The following KCNIP1 variants were observed in gnomAD, a reference collection of about 807,000 sequenced individuals.
The protein encoded by KCNIP1 is A-type potassium channel modulatory protein KCNIP1.
Under a neutral mutation model 33.0 loss-of-function variants are expected in KCNIP1, and 18 were observed. The ratio of observed to expected loss-of-function variants is 0.55; its 90% CI spans 0.38 to 0.81. The LOEUF is 0.81. Among genes scored for constraint, KCNIP1 ranks in the 30% least tolerant of loss-of-function variants. KCNIP1 has a pLI of 0.00. For synonymous variants in KCNIP1, 93 were observed against 98.3 expected (o/e 0.95, Z 0.32); for missense variants, 238 against 271.6 (o/e 0.88, Z 0.87).
At chr5:170,437,487 A>C (rs1178721739) in intron 1 of KCNIP1, among the ~76,000 whole-genome samples, 1 of 152,136 alleles carries the variant, frequency 6.6e-6, no homozygotes, top group African/African-American at 2.4e-5. Flanking sequence ...GCTCACCCCC[A>C]TTTGAGAGAC....
intron 1 of KCNIP1, among the ~76,000 whole-genome samples, chr5:170,640,711 T>C (rs1308801372): frequency 6.6e-6 from 1 of 152,198 alleles, no homozygotes; most frequent in African/African-American, 2.4e-5. Context: ...GGCATGTTCA[T>C]GTATATTCAG....
intron 1 of KCNIP1, among the ~76,000 whole-genome samples, chr5:170,360,341 C>A (rs1377258212): frequency 1.3e-5 from 2 of 152,348 alleles, no homozygotes; most frequent in Non-Finnish European, 2.9e-5. Context: ...CCAACCCTGC[C>A]ATGCACCAAC....
chr5:170,531,986 A>G (rs1755805781), intron 1 of KCNIP1, among the ~76,000 whole-genome samples: 1 of 152,178 alleles, frequency 6.6e-6, no homozygotes, highest in Non-Finnish European at 1.5e-5. Context: ...TCTCACTGCC[A>G]CACCTTTGCG....
intron 1 of KCNIP1, among the ~76,000 whole-genome samples, chr5:170,536,568 T>C (rs1755991286): frequency 6.6e-6 from 1 of 152,010 alleles, no homozygotes; most frequent in Non-Finnish European, 1.5e-5. Context: ...AAGGCAAACA[T>C]ATTCCTGTTA....
At chr5:170,427,355 G>A (rs1384021124) in intron 1 of KCNIP1, among the ~76,000 whole-genome samples, 2 of 152,162 alleles carry the variant, frequency 1.3e-5, no homozygotes, top group Non-Finnish European at 2.9e-5. Context: ...GCAGCTTATG[G>A]CCACTCTTTT....
At chr5:170,537,332 A>G (rs1029097239) in intron 1 of KCNIP1, among the ~76,000 whole-genome samples, 1 of 152,196 alleles carries the variant, frequency 6.6e-6, no homozygotes, top group African/African-American at 2.4e-5. Context: ...ATAGCATTCA[A>G]CTCAGGGTAT....
At chr5:170,532,092 C>G (rs1256316868) in intron 1 of KCNIP1, among the ~76,000 whole-genome samples, 1 of 152,196 alleles carries the variant, frequency 6.6e-6, no homozygotes, top group Non-Finnish European at 1.5e-5. Flanking sequence ...AAGCCTTCCT[C>G]AAATTTCCTT....
intron 1 of KCNIP1, among the ~76,000 whole-genome samples, chr5:170,404,716 C>T (rs1754991669): frequency 6.6e-6 from 1 of 152,176 alleles, no homozygotes; most frequent in Non-Finnish European, 1.5e-5. Context: ...TTGGTCCAAG[C>T]AGATCATGAG....
intron 1 of KCNIP1, among the ~76,000 whole-genome samples, chr5:170,402,996 G>C (rs369008427): frequency 6.6e-6 from 1 of 152,150 alleles, no homozygotes; most frequent in Admixed American, 6.5e-5. Context: ...GTTCACGTAC[G>C]CCTGTTCCAT....
At chr5:170,665,417 T>C (rs1761666576) in intron 1 of KCNIP1, among the ~76,000 whole-genome samples, 1 of 152,182 alleles carries the variant, frequency 6.6e-6, no homozygotes, top group South Asian at 2.1e-4. Flanking sequence ...CCCAAGCCTT[T>C]GTAATACGCC....
At chr5:170,638,588 G>A (rs1760393488) in intron 1 of KCNIP1, among the ~76,000 whole-genome samples, 1 of 152,198 alleles carries the variant, frequency 6.6e-6, no homozygotes, top group African/African-American at 2.4e-5. Flanking sequence ...CAGGGGGATA[G>A]GTGTGTCACT....
intron 1 of KCNIP1, among the ~76,000 whole-genome samples, chr5:170,481,792 AC>A (rs1486199418): frequency 6.6e-6 from 1 of 151,984 alleles, no homozygotes; most frequent in Non-Finnish European, 1.5e-5. Flanking sequence ...ATTGAGAATG[AC>A]CCCACCCATG....
intron 1 of KCNIP1, chr5:170,680,541 A>T (rs897838461): frequency 1.3e-5 from 2 of 152,234 alleles, no homozygotes; most frequent in Admixed American, 6.5e-5. Flanking sequence ...GTTTCCAGGG[A>T]CATTTCACTG....
intron 1 of KCNIP1, among the ~76,000 whole-genome samples, chr5:170,420,905 A>C (rs1286550472): frequency 6.6e-6 from 1 of 152,188 alleles, no homozygotes; most frequent in Non-Finnish European, 1.5e-5. Context: ...TCACACTCTA[A>C]GGACTCAATA....
At chr5:170,667,761 A>T (rs894882909) in intron 1 of KCNIP1, among the ~76,000 whole-genome samples, 1 of 152,270 alleles carries the variant, frequency 6.6e-6, no homozygotes, top group Non-Finnish European at 1.5e-5. Context: ...GGGGATGCCA[A>T]ATAAGTTCAC....
intron 5 of KCNIP1, among the ~76,000 whole-genome samples, chr5:170,731,872 C>CAAAAAAAA (rs1157286321): frequency 3.0e-4 from 5 of 16,730 alleles, no homozygotes; most frequent in Non-Finnish European, 5.9e-4. Flanking sequence ...GACTCCGTCT[C>CAAAAAAAA]AAAAAAAAAA....
chr5:170,643,484 G>A (rs901366117), intron 1 of KCNIP1, among the ~76,000 whole-genome samples: 1 of 152,242 alleles, frequency 6.6e-6, no homozygotes, highest in Non-Finnish European at 1.5e-5. Context: ...ACAGGGCTCT[G>A]CTGCTGGGAG....
At position 170,600,311 on chromosome 5, in the gene KCNIP1, A is replaced by T. The variant is rs889718977; in HGVS notation, c.61+95678A>T. Among the ~76,000 whole-genome samples, 8 of 152,148 alleles carry T rather than the reference A, an allele frequency of 5.3e-5. No homozygotes were observed. The East Asian group carries it at 5.8e-4, about 11-fold the overall frequency. On this transcript the variant is annotated intron_variant, in intron 1 of 7. Transcript: ENST00000328939. ...GCCAATGCCACACGGAATGACCAGC[A>T]TTTCTCTGAACACATCATGCTGTAT...
chr5:170,427,253 T>A (rs1273981084), intron 1 of KCNIP1, among the ~76,000 whole-genome samples: 1 of 152,170 alleles, frequency 6.6e-6, no homozygotes, highest in Non-Finnish European at 1.5e-5. Flanking sequence ...ATTAGGACTA[T>A]CGACCAGAAC....
Sources: gnomAD v4.1 joint callset for allele counts (sites outside exome capture counted in the v4.1 genomes callset) on GRCh38, gnomAD v4.1.1 for gene constraint, MANE v1.5 for transcripts, NCBI Gene and HGNC (gene_info 2026-07-23, HGNC 2026-07-21) for gene names.